Variants in RAB8A observed in about 807,000 individuals in gnomAD.
RAB8A encodes RAB8A, member RAS oncogene family.
Under a neutral mutation model 29.2 loss-of-function variants are expected in RAB8A, and 5 were observed. That is an observed-to-expected ratio of 0.17 (90% confidence interval 0.09 to 0.36). The LOEUF is 0.36. Ranked by LOEUF, RAB8A falls within the 10% of genes least tolerant of loss-of-function variation. RAB8A has a pLI of 1.00. For synonymous variants in RAB8A, 108 were observed against 99.9 expected (o/e 1.08, Z -0.49); for missense variants, 171 against 272.2 (o/e 0.63, Z 2.62).
chr19:16,116,176 T>C (rs2090844937), intron 1 of RAB8A, among the ~76,000 whole-genome samples: 2 of 152,214 alleles, frequency 1.3e-5, no homozygotes, highest in African/African-American at 2.4e-5. Context: ...GAAAGAACTT[T>C]CCAGGGCAGG....
At position 16,111,967 on chromosome 19, in the gene RAB8A, C is replaced by A. The variant is rs145360270; in HGVS notation, c.66C>A (p.Thr22=). ...LLIGDSGVGK[T]CVLFRFSEDA... ...TCGGGGACTCGGGGGTGGGGAAGAC[C>A]TGTGTCCTGTTCCGCTTCTCCGAGG... The change falls in exon 1 of 8, where the codon ACC becomes ACA. Residue 22 remains threonine (T), a synonymous_variant. Transcript: ENST00000300935. 2.5e-6 allele frequency: 4 copies of A among 1,614,066 alleles called. No individual in the cohort carries two copies. Among genetic ancestry groups the A allele is most frequent in the Admixed American group, 3.3e-5 (2 of 60,028 alleles).
intron 6 of RAB8A, among the ~76,000 whole-genome samples, chr19:16,128,687 G>T (rs1319179548): frequency 6.6e-6 from 1 of 152,174 alleles, no homozygotes; most frequent in African/African-American, 2.4e-5. Flanking sequence ...GGCTACAGCT[G>T]GTGTTTGCCA....
chr19:16,118,383 C>A, intron 2 of RAB8A, 97 bp downstream of exon 2: 1 of 1,169,844 alleles, frequency 8.5e-7, no homozygotes, highest in South Asian at 1.3e-5. Flanking sequence ...TGACCTTGGC[C>A]TCCATTTCTT....
At chr19:16,128,446 C>T (rs1010929199) in intron 6 of RAB8A, among the ~76,000 whole-genome samples, 8 of 152,146 alleles carry the variant, frequency 5.3e-5, no homozygotes, top group African/African-American at 1.7e-4. Context: ...CCTGGAGAGG[C>T]CCCTGTCAAA....
rs572606680 is a variant in RAB8A, at chr19:16,122,188, C to T, written c.246+378C>T. On this transcript the variant is annotated intron_variant, in intron 3 of 7. Coordinates refer to ENST00000300935, the MANE Select transcript of RAB8A (RefSeq NM_005370.5). This position sits in a 1 kb window ranked among gnomAD's most constrained non-coding sequence, Gnocchi z 4.7. ...AATTTGCTACCAAAAGCTTGAAGATCTTCCAGGAGCTGACCTGCCCTGGGC... is the reference window on the plus strand; with the variant it reads ...AATTTGCTACCAAAAGCTTGAAGATTTTCCAGGAGCTGACCTGCCCTGGGC... 68 of 189,298 alleles carry T rather than the reference C, an allele frequency of 3.6e-4. 1 individual carries two copies. Among genetic ancestry groups the T allele is most frequent in the South Asian group, 1.5e-3 (12 of 8,094 alleles). The allele number at this position is 189,298 out of a possible 1,614,324, so 11.7% of individuals were successfully genotyped here.
chr19:16,112,321 C>G, intron 1 of RAB8A: 1 of 369,080 alleles, frequency 2.7e-6, no homozygotes, highest in South Asian at 3.4e-5. Context: ...CTCGATCTGT[C>G]CTAGCAGCAG....
At chr19:16,128,285 C>T (rs1394120899) in intron 6 of RAB8A, among the ~76,000 whole-genome samples, 194 bp downstream of exon 6, 2 of 152,192 alleles carry the variant, frequency 1.3e-5, no homozygotes, top group East Asian at 3.9e-4. Flanking sequence ...GGGAATGTGC[C>T]ATCAGCAGGG....
Position 16,122,879 on chromosome 19 carries a change from C to T in RAB8A, c.246+1069C>T, listed in dbSNP as rs28494015. Reference sequence around the variant, plus strand: ...AGTTCTCTGGTGGAGGGTGGGCAGGCGGCCTGAGGGCACTGGGGTCTTGGG... The same window carrying T: ...AGTTCTCTGGTGGAGGGTGGGCAGGTGGCCTGAGGGCACTGGGGTCTTGGG... On this transcript the variant is annotated intron_variant, in intron 3 of 7. Coordinates refer to ENST00000300935, the MANE Select transcript of RAB8A (RefSeq NM_005370.5). This position sits in a 1 kb window ranked among gnomAD's most constrained non-coding sequence, Gnocchi z 4.7. Among the ~76,000 whole-genome samples, 458 of 152,228 alleles carry T rather than the reference C, an allele frequency of 3.0e-3. No individual in the cohort carries two copies. Among genetic ancestry groups the T allele is most frequent in the South Asian group, 0.011 (55 of 4,822 alleles).
In RAB8A at chr19:16,133,884, C is replaced by T. The variant is rs1424398354; in HGVS notation, c.*1580C>T. On this transcript the variant is annotated 3_prime_UTR_variant, in exon 8 of 8. Coordinates refer to ENST00000300935, the MANE Select transcript of RAB8A (RefSeq NM_005370.5). ...ATCACTTGAGCTCAGGTGTTCGAGACCAGCCTGGCCAACATGGTGAGCCTG... is the reference window on the plus strand; with the variant it reads ...ATCACTTGAGCTCAGGTGTTCGAGATCAGCCTGGCCAACATGGTGAGCCTG... The T allele has an allele frequency of 6.6e-6, 1 of 152,378 alleles. No homozygotes were observed. Among genetic ancestry groups the T allele is most frequent in the Admixed American group, 6.5e-5 (1 of 15,288 alleles). The allele number at this position is 152,378 out of a possible 1,614,324, so 9.4% of individuals were successfully genotyped here.
chr19:16,113,746 G>A (rs2090834209), intron 1 of RAB8A, among the ~76,000 whole-genome samples: 1 of 152,200 alleles, frequency 6.6e-6, no homozygotes, highest in Admixed American at 6.6e-5. Flanking sequence ...AAAATAGAGA[G>A]AATTGACTGG....
At chr19:16,128,139 C>T (rs573666419) in intron 6 of RAB8A, 48 bp downstream of exon 6, 2 of 1,594,112 alleles carry the variant, frequency 1.3e-6, no homozygotes, top group African/African-American at 1.3e-5. Context: ...AGGATCGGCC[C>T]CTTCAGGCTA....
At chr19:16,120,960 A>G (rs1354472040) in intron 2 of RAB8A, among the ~76,000 whole-genome samples, 3 of 145,446 alleles carry the variant, frequency 2.1e-5, no homozygotes, top group African/African-American at 7.7e-5. Context: ...TCTGTCACCC[A>G]GGCTGGAGTA....
intron 7 of RAB8A, among the ~76,000 whole-genome samples, chr19:16,130,342 A>G (rs1444533367): frequency 5.3e-5 from 8 of 152,054 alleles, no homozygotes; most frequent in South Asian, 2.1e-4. Flanking sequence ...TGGTTGTCCA[A>G]TCGAGGAGCA....
intron 7 of RAB8A, among the ~76,000 whole-genome samples, chr19:16,130,769 G>A (rs896510213): frequency 5.9e-5 from 9 of 151,870 alleles, no homozygotes; most frequent in East Asian, 5.8e-4. Context: ...TCCCACCTCC[G>A]CCTCCCAAGT....
chr19:16,113,590 C>T (rs1415380752), intron 1 of RAB8A, among the ~76,000 whole-genome samples: 1 of 152,102 alleles, frequency 6.6e-6, no homozygotes, highest in Admixed American at 6.6e-5. Context: ...TTAGTAAATA[C>T]AGGGTTTCAC....
chr19:16,112,761 G>A (rs897493529), intron 1 of RAB8A: 1 of 152,286 alleles, frequency 6.6e-6, no homozygotes, highest in Non-Finnish European at 1.5e-5. Flanking sequence ...GCGTTCAGAG[G>A]TTGAGCCCCT....
rs1361108248 is a variant in RAB8A, at chr19:16,111,911, A to T, written c.10A>T (p.Thr4Ser). 1 of 1,613,820 alleles carries T rather than the reference A, an allele frequency of 6.2e-7. No homozygotes were observed. Among genetic ancestry groups the T allele is most frequent in the South Asian group, 1.1e-5 (1 of 91,070 alleles). Residue 4 changes from threonine (T) to serine (S), a missense_variant, in exon 1 of 8, where the codon ACC becomes TCC. Around this residue, in one of 3 missense-constraint regions of RAB8A, gnomAD observed 26 missense variants for 42.9 expected, o/e 0.61. Coordinates refer to ENST00000300935, the MANE Select transcript of RAB8A (RefSeq NM_005370.5). The part of the protein sequence containing the change: MAK[T>S]YDYLFKLLLI... ...GGGGAGAGAGTGTAATATGGCGAAG[A>T]CCTACGATTACCTGTTCAAGCTGCT...
chr19:16,115,413 C>T (rs2090842093), intron 1 of RAB8A, among the ~76,000 whole-genome samples: 1 of 152,184 alleles, frequency 6.6e-6, no homozygotes. Flanking sequence ...AGTTACATTT[C>T]ATCAAAGCCT....
At chr19:16,121,991 T>A in intron 3 of RAB8A, 181 bp downstream of exon 3, 1 of 555,054 alleles carries the variant, frequency 1.8e-6, no homozygotes, top group Admixed American at 3.1e-5. Flanking sequence ...CCCATGTACA[T>A]ACCTCCCCTT....
Sources: allele counts gnomAD v4.1 joint callset (sites outside exome capture counted in the v4.1 genomes callset), GRCh38; gene constraint gnomAD v4.1.1; regional missense constraint gnomAD v4.1.1; non-coding constraint Gnocchi (gnomAD v3.1); transcripts MANE v1.5; gene names NCBI Gene and HGNC (gene_info 2026-07-23, HGNC 2026-07-21).